The following PARD3B variants were observed in gnomAD, a reference collection of about 807,000 sequenced individuals.
The protein encoded by PARD3B is partitioning defective 3 homolog B.
Under a neutral mutation model 130.2 loss-of-function variants are expected in PARD3B, and 103 were observed. The ratio of observed to expected loss-of-function variants is 0.79; its 90% CI spans 0.67 to 0.93. The LOEUF is 0.93. PARD3B is among the 40% of genes least tolerant of loss of function. The pLI, the probability that PARD3B is intolerant of heterozygous loss-of-function variation, is 0.00. For synonymous variants in PARD3B, 583 were observed against 553.2 expected (o/e 1.05, Z -0.76); for missense variants, 1,609 against 1,499.2 (o/e 1.07, Z -1.21).
rs1329668318 is a variant in PARD3B, at chr2:205,030,919, A to G, written c.395-16662A>G. 2.6e-5 allele frequency among the ~76,000 whole-genome samples: 4 copies of G among 152,148 alleles called. No individual in the cohort carries two copies. In the South Asian group the frequency reaches 8.3e-4, roughly 32 times the overall value. ...GCTTTTATGCTGTGCTAAGAATCCA[A>G]CATTTGCTCAGTAATGTCTTTTTAT... On this transcript the variant is annotated intron_variant, in intron 3 of 22. Transcript: ENST00000406610.
rs543002843 is a variant in PARD3B, at chr2:204,565,375, T to A, written c.120+19256T>A. ...TTTGGAATCACAACCAATGAAATAT[T>A]CATACTCCATTACAATGCATTGGTT... On this transcript the variant is annotated intron_variant, in intron 1 of 22. Transcript: ENST00000406610. Among the ~76,000 whole-genome samples the A allele has an allele frequency of 2.0e-5, 3 of 152,356 alleles. No individual in the cohort carries two copies. In the South Asian group the frequency reaches 6.2e-4, roughly 32 times the overall value.
rs576651176 is a variant in PARD3B at position 204,643,045 on chromosome 2, C to T, written c.121-43136C>T. On this transcript the variant is annotated intron_variant, in intron 1 of 22. Transcript: ENST00000406610. ...AGGAGAATCATTTGAACCCGGGGGG[C>T]GCAGATTGCAGTGAGCCGAGATCGC... Among the ~76,000 whole-genome samples the T allele has an allele frequency of 3.4e-3, 486 of 141,856 alleles. 2 individuals carry two copies. Among genetic ancestry groups the T allele is most frequent in the African/African-American group, 0.011 (418 of 37,830 alleles). 93.1% of individuals were successfully genotyped at this position (141,856 alleles called of 152,430 possible). A position where few individuals can be genotyped will look rare whatever the true frequency, so the allele number is the denominator to read the frequency against.
chr2:204,921,249 T>C (rs761138012), intron 2 of PARD3B, among the ~76,000 whole-genome samples: 3 of 152,170 alleles, frequency 2.0e-5, no homozygotes, highest in Non-Finnish European at 4.4e-5. Flanking sequence ...TTTTTCCCAT[T>C]AAAAAGAAAG....
intron 10 of PARD3B, among the ~76,000 whole-genome samples, chr2:205,152,732 A>G (rs2033847780): frequency 6.6e-6 from 1 of 151,990 alleles, no homozygotes; most frequent in South Asian, 2.1e-4. Context: ...GTTTGTTATT[A>G]CCGATCTCCT....
At chr2:204,729,376 C>A (rs529125395) in intron 2 of PARD3B, among the ~76,000 whole-genome samples, 16 of 152,110 alleles carry the variant, frequency 1.1e-4, no homozygotes, top group African/African-American at 1.4e-4. Flanking sequence ...TTGCCTACCC[C>A]CTTAAGGAGA....
chr2:205,503,605 A>C (rs908823308), intron 21 of PARD3B, among the ~76,000 whole-genome samples: 1 of 152,196 alleles, frequency 6.6e-6, no homozygotes, highest in South Asian at 2.1e-4. Context: ...GTCAGGTAGC[A>C]TGATGCCTCC....
intron 11 of PARD3B, among the ~76,000 whole-genome samples, chr2:205,164,642 C>T (rs1052462233): frequency 1.3e-5 from 2 of 151,146 alleles, no homozygotes; most frequent in African/African-American, 2.4e-5. Context: ...TTTTGGACTC[C>T]GTGATTGTCT....
chr2:205,102,587 T>C (rs958027119), intron 4 of PARD3B, among the ~76,000 whole-genome samples: 2 of 152,152 alleles, frequency 1.3e-5, no homozygotes, highest in Non-Finnish European at 2.9e-5. Flanking sequence ...TTATGGAAAT[T>C]CTTTCTTATC....
intron 2 of PARD3B, among the ~76,000 whole-genome samples, chr2:204,953,680 A>T (rs961723472): frequency 1.3e-5 from 2 of 152,156 alleles, no homozygotes; most frequent in Non-Finnish European, 2.9e-5. Context: ...GTCTGGGAGT[A>T]TTAGATTGAG....
intron 2 of PARD3B, among the ~76,000 whole-genome samples, chr2:204,782,097 G>A (rs979492067): frequency 2.0e-5 from 3 of 152,068 alleles, no homozygotes; most frequent in South Asian, 2.1e-4. Context: ...AGCTGAGAGC[G>A]TGTTAGGCTC....
chr2:205,106,481 ATGTGTGTGTGTGTGTGTGTGTG>A lies in PARD3B; in HGVS notation c.593+1995_593+2016del, dbSNP rs202186761. ...TATATATTCTTTAGTTAAGAAATGTATGTGTGTGTGTGTGTGTGTGTGTGTGTGTGTGTGTGTGTGTGTGTGT... is the reference window on the plus strand; with the variant it reads ...TATATATTCTTTAGTTAAGAAATGTATGTGTGTGTGTGTGTGTGTGTGTGT... On this transcript the variant is annotated intron_variant, in intron 5 of 22. Transcript: ENST00000406610. Among the ~76,000 whole-genome samples the A allele has an allele frequency of 2.2e-3, 328 of 147,022 alleles. 1 individual carries two copies. Among genetic ancestry groups the A allele is most frequent in the Non-Finnish European group, 3.8e-3 (252 of 67,136 alleles).
chr2:204,723,882 A>C (rs971379891), intron 2 of PARD3B, among the ~76,000 whole-genome samples: 8 of 152,172 alleles, frequency 5.3e-5, no homozygotes, highest in Non-Finnish European at 7.4e-5. Context: ...ATAACCTGAA[A>C]GTAAATTCCA....
chr2:205,319,155 A>C (rs2042661058), intron 18 of PARD3B, among the ~76,000 whole-genome samples: 2 of 152,124 alleles, frequency 1.3e-5, no homozygotes, highest in Admixed American at 1.3e-4. Flanking sequence ...TGCTTTCTAC[A>C]TCTGGCATCT....
chr2:205,306,022 A>G (rs960489652), intron 18 of PARD3B, among the ~76,000 whole-genome samples: 11 of 152,220 alleles, frequency 7.2e-5, no homozygotes, highest in African/African-American at 2.7e-4. Context: ...ATTTTCCCCA[A>G]TATACCCAAT....
At chr2:204,699,089 C>T (rs1031760492) in intron 2 of PARD3B, among the ~76,000 whole-genome samples, 14 of 151,916 alleles carry the variant, frequency 9.2e-5, no homozygotes, top group Non-Finnish European at 1.9e-4. Flanking sequence ...ATCAGTTTTC[C>T]CAAAATTATC....
At chr2:205,271,684 G>A (rs975923739) in intron 16 of PARD3B, among the ~76,000 whole-genome samples, 6 of 152,092 alleles carry the variant, frequency 3.9e-5, no homozygotes, top group Middle Eastern at 3.2e-3. Flanking sequence ...TTATTGCCTA[G>A]TATTTCCTTC....
At chr2:205,519,417 G>T (rs567051571) in intron 21 of PARD3B, among the ~76,000 whole-genome samples, 2 of 152,170 alleles carry the variant, frequency 1.3e-5, no homozygotes, top group Non-Finnish European at 2.9e-5. Context: ...GTGTTATTCA[G>T]CTCTGTCAGA....
At chr2:205,278,158 T>C (rs150775207) in intron 16 of PARD3B, among the ~76,000 whole-genome samples, 228 of 152,178 alleles carry the variant, frequency 1.5e-3, no homozygotes, top group African/African-American at 5.4e-3. Flanking sequence ...TAGGAGGCAA[T>C]TGGTGACCTT....
intron 18 of PARD3B, among the ~76,000 whole-genome samples, chr2:205,347,160 A>G (rs895824425): frequency 9.9e-5 from 15 of 152,274 alleles, no homozygotes; most frequent in South Asian, 2.1e-4. Context: ...TGTTGTAGTT[A>G]TCACACTTTA....
Sources: allele counts gnomAD v4.1 joint callset (sites outside exome capture counted in the v4.1 genomes callset), GRCh38; gene constraint gnomAD v4.1.1; transcripts MANE v1.5; gene names NCBI Gene and HGNC (gene_info 2026-07-23, HGNC 2026-07-21).